The following ARIH2 variants were observed in gnomAD, a reference collection of about 807,000 sequenced individuals.
ARIH2 encodes the protein E3 ubiquitin-protein ligase ARIH2.
A neutral mutation model predicts 79.8 loss-of-function variants in ARIH2; 12 were observed. That is an observed-to-expected ratio of 0.15 (90% CI 0.10 to 0.24). ARIH2 has a LOEUF of 0.24. Ranked by LOEUF, ARIH2 falls within the 10% of genes least tolerant of loss-of-function variation. The pLI, the probability that ARIH2 is intolerant of heterozygous loss-of-function variation, is 1.00. For missense variants in ARIH2, 301 were observed against 618.3 expected, an observed-to-expected ratio of 0.49 and a Z score of 5.44; for synonymous variants, 224 against 213.9, an observed-to-expected ratio of 1.05 and a Z score of -0.41.
intron 3 of ARIH2, among the ~76,000 whole-genome samples, chr3:48,957,792 TACAA>T (rs1235018092): frequency 6.6e-6 from 1 of 152,216 alleles, no homozygotes; most frequent in East Asian, 1.9e-4. Context: ...CTCAGCTCAC[TACAA>T]CCTCCGCCTC....
At chr3:48,945,945 G>A (rs1016429740) in intron 3 of ARIH2, among the ~76,000 whole-genome samples, 3 of 152,116 alleles carry the variant, frequency 2.0e-5, no homozygotes, top group Non-Finnish European at 2.9e-5. Flanking sequence ...TGTAGCAAGC[G>A]GGTCAGAGGA....
chr3:48,927,659 A>G lies in ARIH2; in HGVS notation c.101A>G (p.Asp34Gly). Residue 34 changes from aspartate to glycine, a missense_variant, in exon 3 of 16, where the codon GAC becomes GGC. This residue lies in a region of ARIH2 where 223 missense variants were observed against 349.4 expected (regional missense o/e 0.64). Transcript: ENST00000356401. The part of the protein sequence containing the change: ...EEEEEEDDPG[D>G]IEDYYVGVAS... ...GAAGAAGAAGAAGACGACCCTGGGG[A>G]CATAGAGGACTATTACGTGGGAGTA... 6.2e-7 allele frequency: 1 copy of G among 1,614,018 alleles called. No individual in the cohort carries two copies. The highest frequency in any genetic ancestry group is 1.1e-5 in the South Asian group (1 of 91,070).
At chr3:48,957,311 CCTT>C (rs2090708349) in intron 3 of ARIH2, among the ~76,000 whole-genome samples, 1 of 152,330 alleles carries the variant, frequency 6.6e-6, no homozygotes, top group South Asian at 2.1e-4. Flanking sequence ...CAGTGTTAAA[CCTT>C]CTTGACCTTT....
chr3:48,918,900 G>T lies in ARIH2; in HGVS notation c.-260G>T. Reference sequence around the variant, plus strand: ...GCGCGGGCTTGACCGGCGTCGGCCCGCCGCCTCCGCTGCCGCTTCGCCCCA... The same window carrying T: ...GCGCGGGCTTGACCGGCGTCGGCCCTCCGCCTCCGCTGCCGCTTCGCCCCA... On this transcript the variant is annotated 5_prime_UTR_variant, in exon 1 of 16. Coordinates refer to ENST00000356401, the MANE Select transcript of ARIH2 (RefSeq NM_006321.4). 6.2e-7 allele frequency: 1 copy of T among 1,600,110 alleles called. No individual in the cohort carries two copies. The highest frequency in any genetic ancestry group is 1.1e-5 in the South Asian group (1 of 90,096).
intron 11 of ARIH2, among the ~76,000 whole-genome samples, chr3:48,977,603 G>A (rs1252038457): frequency 3.9e-5 from 6 of 152,062 alleles, no homozygotes; most frequent in Admixed American, 1.3e-4. Flanking sequence ...GATTACAGGC[G>A]TCCGCCACTA....
intron 3 of ARIH2, chr3:48,934,596 T>C (rs992200797): frequency 1.2e-5 from 12 of 985,448 alleles, no homozygotes; most frequent in Non-Finnish European, 1.3e-5. Flanking sequence ...GTTAAATTCC[T>C]GCGTTTCAAA....
At chr3:48,981,812 C>A (rs937987993) in intron 14 of ARIH2, 84 bp downstream of exon 14, 2 of 1,168,956 alleles carry the variant, frequency 1.7e-6, no homozygotes, top group Non-Finnish European at 2.5e-6. Flanking sequence ...GAGTGAGGAC[C>A]AGACCTTGGT....
At chr3:48,979,914 C>CTT (rs113959895) in intron 12 of ARIH2, 264 of 250,076 alleles carry the variant, frequency 1.1e-3, no homozygotes, top group Non-Finnish European at 1.4e-3. Context: ...CTAGTACCAT[C>CTT]TTTTTTTTTT....
At chr3:48,936,129 T>G (rs2087079402) in intron 3 of ARIH2, among the ~76,000 whole-genome samples, 1 of 152,212 alleles carries the variant, frequency 6.6e-6, no homozygotes, top group African/African-American at 2.4e-5. Flanking sequence ...ACTTAGTGTT[T>G]ACTTGTTTTG....
At chr3:48,967,692 A>G (rs1322696664) in intron 6 of ARIH2, among the ~76,000 whole-genome samples, 1 of 152,232 alleles carries the variant, frequency 6.6e-6, no homozygotes, top group Non-Finnish European at 1.5e-5. Context: ...ACTGAAACAC[A>G]TTAGCATCGC....
intron 2 of ARIH2, among the ~76,000 whole-genome samples, chr3:48,923,887 G>A (rs930778400): frequency 2.0e-5 from 3 of 152,198 alleles, no homozygotes; most frequent in African/African-American, 7.2e-5. Flanking sequence ...TAATCCCAGC[G>A]TTTTGTAAGG....
Position 48,973,690 on chromosome 3 carries a change from A to T in ARIH2, c.771-9A>T, listed in dbSNP as rs772977522. 3.1e-6 allele frequency: 5 copies of T among 1,605,936 alleles called. No homozygotes were observed. Among genetic ancestry groups the T allele is most frequent in the Non-Finnish European group, 3.4e-6 (4 of 1,174,190 alleles). On this transcript the variant is annotated splice_polypyrimidine_tract_variant and intron_variant, in intron 8 of 15. Coordinates refer to ENST00000356401, the MANE Select transcript of ARIH2 (RefSeq NM_006321.4). ...GAATATTTGAATGTTTTTCTTTTCC[A>T]ATTTTAAGTTTCAAGTGTCGTCAGA...
chr3:48,958,858 TAAA>T (rs1021103276), intron 3 of ARIH2, among the ~76,000 whole-genome samples: 1 of 151,612 alleles, frequency 6.6e-6, no homozygotes, highest in Non-Finnish European at 1.5e-5. Flanking sequence ...CTACAAAATA[TAAA>T]AAAATTAGCT....
chr3:48,933,506 C>T (rs2086677095), intron 3 of ARIH2, among the ~76,000 whole-genome samples: 1 of 149,284 alleles, frequency 6.7e-6, no homozygotes, highest in Non-Finnish European at 1.5e-5. Context: ...AAAACTTATT[C>T]AGCACATGTG....
chr3:48,951,477 A>T (rs1455550885), intron 3 of ARIH2, among the ~76,000 whole-genome samples: 2 of 152,158 alleles, frequency 1.3e-5, no homozygotes, highest in Non-Finnish European at 2.9e-5. Context: ...TTTGGAAGAA[A>T]TGTCCCTTTC....
chr3:48,937,586 G>A (rs749401843), intron 3 of ARIH2, among the ~76,000 whole-genome samples: 1 of 152,156 alleles, frequency 6.6e-6, no homozygotes, highest in African/African-American at 2.4e-5. Context: ...GTCTGGTTAT[G>A]TTATGTTCTC....
intron 6 of ARIH2, among the ~76,000 whole-genome samples, chr3:48,967,800 G>A (rs2091899654): frequency 6.6e-6 from 1 of 152,106 alleles, no homozygotes; most frequent in African/African-American, 2.4e-5. Context: ...ACCTATATAA[G>A]GATTTTTTAA....
At chr3:48,951,182 T>C (rs1158882165) in intron 3 of ARIH2, among the ~76,000 whole-genome samples, 1 of 152,146 alleles carries the variant, frequency 6.6e-6, no homozygotes, top group African/African-American at 2.4e-5. Context: ...TTGGCTGGTC[T>C]TGAACTCCTG....
chr3:48,982,205 G>T (rs940012552), intron 14 of ARIH2, among the ~76,000 whole-genome samples: 4 of 152,138 alleles, frequency 2.6e-5, no homozygotes, highest in Non-Finnish European at 5.9e-5. Context: ...TGTCCAGAGA[G>T]AAATTACCAC....
Sources: allele counts gnomAD v4.1 joint callset (sites outside exome capture counted in the v4.1 genomes callset), GRCh38; gene constraint gnomAD v4.1.1; regional missense constraint gnomAD v4.1.1; transcripts MANE v1.5; gene names NCBI Gene and HGNC (gene_info 2026-07-23, HGNC 2026-07-21).